TTC28: variants seen among roughly 807,000 people sequenced by gnomAD.
TTC28 encodes the protein tetratricopeptide repeat domain 28, also known as tetratricopeptide repeat protein 28.
A neutral mutation model predicts 198.0 loss-of-function variants in TTC28; 61 were observed. The observed-to-expected ratio is 0.31, with a 90% CI of 0.25 to 0.38. The LOEUF (loss-of-function observed/expected upper bound fraction) is 0.38. Ranked by LOEUF, TTC28 falls within the 10% of genes least tolerant of loss-of-function variation. TTC28 has a pLI of 1.00. For synonymous variants in TTC28, 1,171 were observed against 1,297.8 expected (o/e 0.90, Z 2.10); for missense variants, 2,678 against 3,164.0 (o/e 0.85, Z 3.69).
intron 1 of TTC28, among the ~76,000 whole-genome samples, chr22:28,675,735 T>TCACACACACACACACACA (rs71316854): frequency 3.7e-5 from 5 of 135,118 alleles, no homozygotes; most frequent in Non-Finnish European, 1.6e-5. Flanking sequence ...TGAAACCCTG[T>TCACACACACACACACACA]CACACACACA....
At chr22:28,228,628 G>C (rs1045751844) in intron 5 of TTC28, among the ~76,000 whole-genome samples, 1 of 151,028 alleles carries the variant, frequency 6.6e-6, no homozygotes, top group Non-Finnish European at 1.5e-5. Context: ...AGAACCCGGG[G>C]GGCAGAGGTT....
intron 5 of TTC28, among the ~76,000 whole-genome samples, chr22:28,184,306 T>C (rs1279251266): frequency 1.3e-5 from 2 of 152,228 alleles, no homozygotes; most frequent in East Asian, 1.9e-4. Flanking sequence ...CTGTTTTGTA[T>C]ATTTGTTTAA....
At chr22:28,485,910 A>G (rs1318782653) in intron 2 of TTC28, among the ~76,000 whole-genome samples, 1 of 152,094 alleles carries the variant, frequency 6.6e-6, no homozygotes, top group African/African-American at 2.4e-5. Flanking sequence ...CATAAGTATT[A>G]TTATTTTTAA....
intron 13 of TTC28, chr22:28,028,920 T>C (rs1245112565): frequency 4.4e-6 from 2 of 454,670 alleles, no homozygotes; most frequent in African/African-American, 4.0e-5. Context: ...GAGGTGAAAC[T>C]GCCTCCCTAG....
chr22:28,091,008 G>A (rs553807973), intron 12 of TTC28, among the ~76,000 whole-genome samples: 19 of 152,322 alleles, frequency 1.2e-4, no homozygotes, highest in African/African-American at 4.1e-4. Context: ...GATGCTGAGT[G>A]TCAAGCCACA....
chr22:28,016,043 C>A lies in TTC28; in HGVS notation c.4074-1651G>T, dbSNP rs538012273. Among the ~76,000 whole-genome samples the A allele has an allele frequency of 2.7e-4, 41 of 152,244 alleles. 2 individuals are homozygous for A. The South Asian group carries it at 8.3e-3, about 31-fold the overall frequency. On this transcript the variant is annotated intron_variant, in intron 13 of 22. Coordinates refer to ENST00000397906, the MANE Select transcript of TTC28 (RefSeq NM_001145418.2). ...TCCTCCCAGTGATCTTGGCAATGCACCACTTGACCTAAATTCTAGGGTCAT... is the reference window on the plus strand; with the variant it reads ...TCCTCCCAGTGATCTTGGCAATGCAACACTTGACCTAAATTCTAGGGTCAT...
intron 1 of TTC28, among the ~76,000 whole-genome samples, chr22:28,644,871 C>T (rs1291366175): frequency 2.0e-5 from 3 of 151,690 alleles, no homozygotes; most frequent in African/African-American, 4.8e-5. Context: ...TTCAGTGGGG[C>T]GCGGTGGCTC....
chr22:28,020,167 C>T (rs1033023099), intron 13 of TTC28, among the ~76,000 whole-genome samples: 2 of 152,190 alleles, frequency 1.3e-5, no homozygotes, highest in Non-Finnish European at 2.9e-5. Context: ...CTGGGGGCTG[C>T]GGCTCCGGGC....
At chr22:28,553,297 G>C (rs1221736653) in intron 2 of TTC28, among the ~76,000 whole-genome samples, 1 of 151,430 alleles carries the variant, frequency 6.6e-6, no homozygotes, top group Non-Finnish European at 1.5e-5. Flanking sequence ...AGTCTGGAAA[G>C]TGAGGAGCGT....
Position 28,087,404 on chromosome 22 carries a change from C to CA in TTC28, c.3932+6675dup, listed in dbSNP as rs752299754. Among the ~76,000 whole-genome samples, 388 of 152,242 alleles carry CA rather than the reference C, an allele frequency of 2.5e-3. 2 individuals carry two copies. Among genetic ancestry groups the CA allele is most frequent in the Non-Finnish European group, 4.3e-3 (290 of 67,998 alleles). On this transcript the variant is annotated intron_variant, in intron 12 of 22. Coordinates refer to ENST00000397906, the MANE Select transcript of TTC28 (RefSeq NM_001145418.2). ...TCCAGTATATAAACAGAACCAAAGA[C>CA]AAAAACCACATGATTATCTCAATAG...
chr22:28,247,639 A>G (rs557479164), intron 5 of TTC28, among the ~76,000 whole-genome samples: 16 of 152,322 alleles, frequency 1.1e-4, no homozygotes, highest in Admixed American at 3.3e-4. Flanking sequence ...AGAGAAATAG[A>G]GAAGCTTTGC....
intron 12 of TTC28, among the ~76,000 whole-genome samples, chr22:28,034,874 T>C (rs1346466988): frequency 1.3e-5 from 2 of 152,158 alleles, no homozygotes; most frequent in African/African-American, 2.4e-5. Context: ...CTGCCTGCTC[T>C]GGGGAATATA....
At chr22:28,401,410 G>A (rs2046907309) in intron 2 of TTC28, among the ~76,000 whole-genome samples, 1 of 152,158 alleles carries the variant, frequency 6.6e-6, no homozygotes. Context: ...GAAGTCAGGA[G>A]TTTGAGACCA....
chr22:28,460,419 C>T (rs2047930630), intron 2 of TTC28, among the ~76,000 whole-genome samples: 1 of 151,440 alleles, frequency 6.6e-6, no homozygotes, highest in African/African-American at 2.4e-5. Flanking sequence ...CATACACTCC[C>T]TAAACTTTTC....
intron 5 of TTC28, among the ~76,000 whole-genome samples, chr22:28,278,495 A>G (rs2044516229): frequency 6.6e-6 from 1 of 152,236 alleles, no homozygotes; most frequent in South Asian, 2.1e-4. Flanking sequence ...GAAGCAAGTC[A>G]CTTGATGATG....
intron 1 of TTC28, among the ~76,000 whole-genome samples, chr22:28,646,120 G>A (rs1439082598): frequency 1.3e-5 from 2 of 152,132 alleles, no homozygotes; most frequent in Admixed American, 6.5e-5. Flanking sequence ...TAGGAAGGGA[G>A]GAGGTCAAGC....
At chr22:28,092,963 A>C (rs1256307017) in intron 12 of TTC28, among the ~76,000 whole-genome samples, 1 of 152,222 alleles carries the variant, frequency 6.6e-6, no homozygotes, top group African/African-American at 2.4e-5. Context: ...ATATGATATT[A>C]ATTTTGAAAA....
At chr22:28,531,738 A>T (rs927474639) in intron 2 of TTC28, among the ~76,000 whole-genome samples, 12 of 152,222 alleles carry the variant, frequency 7.9e-5, no homozygotes, top group Non-Finnish European at 1.5e-4. Flanking sequence ...TCAAACTAGA[A>T]CTCAGGATTA....
intron 2 of TTC28, among the ~76,000 whole-genome samples, chr22:28,497,241 T>G (rs2146358177): frequency 6.6e-6 from 1 of 152,214 alleles, no homozygotes; most frequent in East Asian, 1.9e-4. Context: ...GCTATATCCC[T>G]AACACAGAGT....
Sources: gnomAD v4.1 joint callset for allele counts (sites outside exome capture counted in the v4.1 genomes callset) on GRCh38, gnomAD v4.1.1 for gene constraint, MANE v1.5 for transcripts, NCBI Gene and HGNC (gene_info 2026-07-23, HGNC 2026-07-21) for gene names.